Variants in DGCR2 observed in about 807,000 individuals in gnomAD.
DGCR2 encodes the protein integral membrane protein DGCR2/IDD.
A neutral mutation model predicts 51.6 loss-of-function variants in DGCR2; 24 were observed. That is an observed-to-expected ratio of 0.47 (90% CI 0.34 to 0.65). The LOEUF (loss-of-function observed/expected upper bound fraction) is 0.65, where lower values mean the gene tolerates loss of function less well. Among genes scored for constraint, DGCR2 ranks in the 30% least tolerant of loss-of-function variants. DGCR2 has a pLI of 0.01. For synonymous variants in DGCR2, 340 were observed against 315.4 expected, an observed-to-expected ratio of 1.08 and a Z score of -0.82; for missense variants, 765 against 772.1, an observed-to-expected ratio of 0.99 and a Z score of 0.11.
At chr22:19,104,180 A>C (rs1307751657) in intron 1 of DGCR2, among the ~76,000 whole-genome samples, 1 of 152,106 alleles carries the variant, frequency 6.6e-6, no homozygotes, top group Non-Finnish European at 1.5e-5. Flanking sequence ...TATCATGAAA[A>C]CAGTTTTGAC....
intron 5 of DGCR2, 128 bp downstream of exon 5, chr22:19,063,074 G>C (rs1051639966): frequency 8.2e-6 from 6 of 730,144 alleles, no homozygotes; most frequent in Non-Finnish European, 1.3e-5. Context: ...CCTGCAACTG[G>C]GGCTCACCCA....
At chr22:19,088,004 C>T (rs1360491941) in intron 2 of DGCR2, among the ~76,000 whole-genome samples, 14 of 152,154 alleles carry the variant, frequency 9.2e-5, no homozygotes, top group Non-Finnish European at 1.9e-4. Flanking sequence ...TCTTTACAGG[C>T]AAATACAATC....
At chr22:19,074,262 T>TA (rs2082849177) in intron 2 of DGCR2, among the ~76,000 whole-genome samples, 1 of 151,576 alleles carries the variant, frequency 6.6e-6, no homozygotes, top group Non-Finnish European at 1.5e-5. Flanking sequence ...CTGTCTCTAC[T>TA]AAAAAATACA....
At chr22:19,082,796 G>A (rs1052993510) in intron 2 of DGCR2, among the ~76,000 whole-genome samples, 15 of 151,342 alleles carry the variant, frequency 9.9e-5, no homozygotes, top group African/African-American at 3.6e-4. Context: ...AGAAAGAAAA[G>A]AAAAAGGTGG....
chr22:19,100,774 G>T (rs2083192994), intron 1 of DGCR2, among the ~76,000 whole-genome samples: 1 of 152,036 alleles, frequency 6.6e-6, no homozygotes, highest in Non-Finnish European at 1.5e-5. Flanking sequence ...ATTTATGTGG[G>T]TTATATCTGT....
chr22:19,056,554 T>TAAAA, intron 6 of DGCR2: 3 of 249,016 alleles, frequency 1.2e-5, no homozygotes, highest in Non-Finnish European at 2.2e-5. Context: ...CTGGCTTTAA[T>TAAAA]AAAAAAAAAA....
Position 19,068,132 on chromosome 22 carries a change from G to A in DGCR2, c.296C>T (p.Ala99Val), listed in dbSNP as rs368669602. The A allele has an allele frequency of 2.3e-5, 37 of 1,607,466 alleles. No homozygotes were observed. Among genetic ancestry groups the A allele is most frequent in the Admixed American group, 1.2e-4 (7 of 59,026 alleles). Residue 99 changes from alanine to valine, a missense_variant, in exon 3 of 10, where the codon GCG becomes GTG. Physicochemically the swap from Ala to Val is moderately conservative, Grantham distance 64. Transcript: ENST00000263196. ...GCGAACGGGCTGCGCCACGTTCACC[G>A]CGTGGAAGTGCGAAGGGTCGCCTCC... ...ARGGDPSHFH[A>V]VNVAQPVRFS...
At chr22:19,044,906 T>C (rs1046133205) in intron 7 of DGCR2, among the ~76,000 whole-genome samples, 2 of 152,260 alleles carry the variant, frequency 1.3e-5, no homozygotes, top group African/African-American at 2.4e-5. Context: ...AATACTTGTT[T>C]TGATTCAGTC....
At chr22:19,044,344 CAGAG>C (rs1569037181) in intron 7 of DGCR2, among the ~76,000 whole-genome samples, 1 of 152,212 alleles carries the variant, frequency 6.6e-6, no homozygotes, top group African/African-American at 2.4e-5. Context: ...CTGCAGCTCC[CAGAG>C]AGAGGATCCA....
chr22:19,093,849 C>A, intron 1 of DGCR2, among the ~76,000 whole-genome samples: 1 of 150,716 alleles, frequency 6.6e-6, no homozygotes. Context: ...AAAAAAAAAA[C>A]AAAAAAATTA....
intron 5 of DGCR2, among the ~76,000 whole-genome samples, chr22:19,062,328 G>C (rs1219836082): frequency 6.6e-6 from 1 of 152,128 alleles, no homozygotes; most frequent in Admixed American, 6.5e-5. Context: ...CTCCTGCCCT[G>C]TCCCAGCAGC....
At chr22:19,084,009 C>CG (rs1016387790) in intron 2 of DGCR2, among the ~76,000 whole-genome samples, 2 of 152,142 alleles carry the variant, frequency 1.3e-5, no homozygotes, top group Non-Finnish European at 2.9e-5. Flanking sequence ...GACGGAGTCT[C>CG]GTTCACTCAG....
intron 6 of DGCR2, among the ~76,000 whole-genome samples, chr22:19,055,348 A>C (rs1458597384): frequency 6.6e-6 from 1 of 152,192 alleles, no homozygotes; most frequent in Non-Finnish European, 1.5e-5. Context: ...CAACCTAGGA[A>C]TAGGTACTTC....
At chr22:19,091,377 A>G (rs2083076329) in intron 1 of DGCR2, among the ~76,000 whole-genome samples, 1 of 152,206 alleles carries the variant, frequency 6.6e-6, no homozygotes, top group African/African-American at 2.4e-5. Context: ...GGCTAGCTGG[A>G]GTGTATTAAT....
chr22:19,073,184 A>C (rs1329055405), intron 2 of DGCR2, among the ~76,000 whole-genome samples: 1 of 152,194 alleles, frequency 6.6e-6, no homozygotes, highest in Non-Finnish European at 1.5e-5. Context: ...GGACTGTTTG[A>C]GCCTAGCTGT....
chr22:19,038,475 T>C lies in DGCR2; in HGVS notation c.*390A>G. The C allele has an allele frequency of 5.3e-6, 1 of 190,096 alleles. No homozygotes were observed. Among genetic ancestry groups the C allele is most frequent in the Non-Finnish European group, 1.1e-5 (1 of 91,382 alleles). 11.8% of individuals were successfully genotyped at this position (190,096 alleles called of 1,614,324 possible). ...CCCACTGTGCCTGTCCCAGACTGGG[T>C]CAGCAGGTCTCTCTGGACAGCACAC... On this transcript the variant is annotated 3_prime_UTR_variant, in exon 10 of 10. Transcript: ENST00000263196.
At position 19,038,024 on chromosome 22, in the gene DGCR2, G is replaced by A. The variant is rs1339061754; in HGVS notation, c.*841C>T. On this transcript the variant is annotated 3_prime_UTR_variant, in exon 10 of 10. Transcript: ENST00000263196. ...GGAGGCAAGAGCCCAGGGCTCCAGA[G>A]TGGAGAGACAGGAGGCAGCTCAGTC... 1 of 152,784 alleles carries A rather than the reference G, an allele frequency of 6.5e-6. No homozygotes were observed. Among genetic ancestry groups the A allele is most frequent in the Non-Finnish European group, 1.5e-5 (1 of 68,234 alleles). The allele number at this position is 152,784 out of a possible 1,614,324, so 9.5% of individuals were successfully genotyped here.
intron 1 of DGCR2, among the ~76,000 whole-genome samples, chr22:19,104,937 T>C (rs1396124859): frequency 6.6e-6 from 1 of 152,180 alleles, no homozygotes; most frequent in African/African-American, 2.4e-5. Context: ...GGCTGGGCTA[T>C]TGTAACAGGC....
intron 1 of DGCR2, among the ~76,000 whole-genome samples, chr22:19,106,005 A>G (rs2083257875): frequency 6.6e-6 from 1 of 151,912 alleles, no homozygotes; most frequent in Non-Finnish European, 1.5e-5. Context: ...TAGCACCAGC[A>G]GGCCAGCACA....
Sources: gnomAD v4.1 joint callset for allele counts (sites outside exome capture counted in the v4.1 genomes callset) on GRCh38, gnomAD v4.1.1 for gene constraint, MANE v1.5 for transcripts, NCBI Gene and HGNC (gene_info 2026-07-23, HGNC 2026-07-21) for gene names.